The following CDC14B variants were observed in gnomAD, a reference collection of about 807,000 sequenced individuals.
The protein encoded by CDC14B is dual specificity protein phosphatase CDC14B.
A neutral mutation model predicts 64.2 loss-of-function variants in CDC14B; 22 were observed. The ratio of observed to expected loss-of-function variants is 0.34; its 90% CI spans 0.24 to 0.49. The LOEUF (loss-of-function observed/expected upper bound fraction) is 0.49, where lower values mean the gene tolerates loss of function less well. CDC14B is among the 20% of genes least tolerant of loss of function. CDC14B has a pLI of 0.99. For missense variants in CDC14B, 498 were observed against 629.9 expected, an observed-to-expected ratio of 0.79 and a Z score of 2.24; for synonymous variants, 191 against 215.8, an observed-to-expected ratio of 0.89 and a Z score of 1.01.
At chr9:96,553,414 A>G (rs1243486114) in intron 4 of CDC14B, among the ~76,000 whole-genome samples, 1 of 147,548 alleles carries the variant, frequency 6.8e-6, no homozygotes, top group African/African-American at 2.5e-5. Flanking sequence ...GCTGGAGTGC[A>G]ATGGTGTGAT....
At chr9:96,598,446 C>T (rs928082830) in intron 1 of CDC14B, among the ~76,000 whole-genome samples, 1 of 152,130 alleles carries the variant, frequency 6.6e-6, no homozygotes, top group Non-Finnish European at 1.5e-5. Flanking sequence ...ATGTCATTCG[C>T]CTGCCTCAGC....
At chr9:96,538,655 T>C (rs1014443421) in intron 7 of CDC14B, 5 of 154,022 alleles carry the variant, frequency 3.2e-5, no homozygotes, top group African/African-American at 1.2e-4. Flanking sequence ...ATCCCAGAAG[T>C]TCAAGGCTGC....
chr9:96,615,816 A>G (rs1847591014), intron 1 of CDC14B, among the ~76,000 whole-genome samples: 1 of 152,036 alleles, frequency 6.6e-6, no homozygotes, highest in Admixed American at 6.5e-5. Flanking sequence ...CTAATAGCCA[A>G]AAAGTCCACT....
chr9:96,570,038 T>A (rs1038958872), intron 1 of CDC14B, among the ~76,000 whole-genome samples: 4 of 152,252 alleles, frequency 2.6e-5, no homozygotes, highest in African/African-American at 9.6e-5. Context: ...TCGCACCACA[T>A]CATCACTACT....
At chr9:96,567,142 C>A in intron 1 of CDC14B, 1 of 471,156 alleles carries the variant, frequency 2.1e-6, no homozygotes, top group Non-Finnish European at 3.7e-6. Context: ...CCAACCAGGG[C>A]TCCTCCAGTG....
chr9:96,584,261 T>C (rs1352774581), intron 1 of CDC14B, among the ~76,000 whole-genome samples: 5 of 152,142 alleles, frequency 3.3e-5, no homozygotes, highest in African/African-American at 1.2e-4. Flanking sequence ...GTAGCAGTGT[T>C]GTGGGGAAGC....
At position 96,607,623 on chromosome 9, in the gene CDC14B, C is replaced by T. The variant is rs1352413771; in HGVS notation, c.160+11596G>A. 3.3e-5 allele frequency among the ~76,000 whole-genome samples: 5 copies of T among 151,954 alleles called. No homozygotes were observed. In the South Asian group the frequency reaches 6.2e-4, roughly 19 times the overall value. The stretch of plus-strand genomic sequence containing the variant: ...CATTTTTAGTAGAGACGGGGTTTCC[C>T]TGTGTTAGCCAGGATGGTCTCGATC... On this transcript the variant is annotated intron_variant, in intron 1 of 13. Coordinates refer to ENST00000375241, the MANE Select transcript of CDC14B (RefSeq NM_033331.4).
At chr9:96,568,800 C>G (rs556416783) in intron 1 of CDC14B, among the ~76,000 whole-genome samples, 18 of 152,080 alleles carry the variant, frequency 1.2e-4, no homozygotes, top group African/African-American at 4.3e-4. Flanking sequence ...GCCTGTAATC[C>G]CAGCTACTTG....
intron 12 of CDC14B, among the ~76,000 whole-genome samples, chr9:96,519,967 G>A: frequency 6.6e-6 from 1 of 152,214 alleles, no homozygotes; most frequent in Non-Finnish European, 1.5e-5. Flanking sequence ...CCAAGCAACT[G>A]TTGAGAACAG....
Position 96,501,707 on chromosome 9 carries a change from G to C in CDC14B, c.*2046C>G, listed in dbSNP as rs1177832763. On this transcript the variant is annotated 3_prime_UTR_variant, in exon 14 of 14. Transcript: ENST00000375241. ...TGATAGCAATTCTAGGTGGAAACTT[G>C]AGCAGGCAACATGAAGAGGCAGTTT... The C allele has an allele frequency of 6.6e-6, 1 of 152,442 alleles. No individual in the cohort carries two copies. Among genetic ancestry groups the C allele is most frequent in the Non-Finnish European group, 1.5e-5 (1 of 68,032 alleles). 9.4% of individuals were successfully genotyped at this position (152,442 alleles called of 1,614,324 possible).
chr9:96,495,400 C>T (rs556992993), downstream of CDC14B, among the ~76,000 whole-genome samples: 3 of 141,180 alleles, frequency 2.1e-5, no homozygotes, highest in African/African-American at 7.6e-5. Flanking sequence ...TGCCCCCCCC[C>T]GCCCCCCGCC....
At chr9:96,615,093 A>T (rs985534417) in intron 1 of CDC14B, among the ~76,000 whole-genome samples, 28 of 152,252 alleles carry the variant, frequency 1.8e-4, no homozygotes, top group African/African-American at 6.5e-4. Context: ...CACCCACCTC[A>T]GCCTCCCCAA....
At chr9:96,594,568 T>C (rs1015651618) in intron 1 of CDC14B, among the ~76,000 whole-genome samples, 1 of 151,516 alleles carries the variant, frequency 6.6e-6, no homozygotes, top group Non-Finnish European at 1.5e-5. Flanking sequence ...AACATAAAAA[T>C]TGGCAGGGTG....
chr9:96,510,750 C>T (rs539655565), intron 12 of CDC14B, among the ~76,000 whole-genome samples: 5 of 151,932 alleles, frequency 3.3e-5, no homozygotes, highest in South Asian at 2.1e-4. Flanking sequence ...GGACCGCAGG[C>T]GCCCACCACC....
At chr9:96,583,401 TTA>T (rs1845280032) in intron 1 of CDC14B, among the ~76,000 whole-genome samples, 1 of 145,504 alleles carries the variant, frequency 6.9e-6, no homozygotes. Context: ...ATTATTATTA[TTA>T]TTATTATTAT....
intron 7 of CDC14B, among the ~76,000 whole-genome samples, chr9:96,534,850 T>C (rs1006742116): frequency 6.6e-6 from 1 of 152,210 alleles, no homozygotes; most frequent in African/African-American, 2.4e-5. Context: ...CAATTCTCAT[T>C]ATAGTTGCTG....
intron 1 of CDC14B, among the ~76,000 whole-genome samples, chr9:96,601,527 G>A (rs1259714171): frequency 5.4e-5 from 8 of 149,512 alleles, no homozygotes. Flanking sequence ...GCCGGGCGTG[G>A]CACACCTGTA....
rs776270549 is a variant in CDC14B at position 96,514,573 on chromosome 9, G to A, written c.1344-4784C>T. ...TTTCTCAGCTATGTGAAAATACTCA[G>A]TGAAACCACAAAGTACCAGAGTTGG... On this transcript the variant is annotated intron_variant, in intron 12 of 13. Transcript: ENST00000375241. 1.3e-3 allele frequency: 1,252 copies of A among 985,318 alleles called. 3 individuals are homozygous for A. The highest frequency in any genetic ancestry group is 1.4e-3 in the Non-Finnish European group (1,195 of 829,936). The allele number at this position is 985,318 out of a possible 1,614,324, so 61.0% of individuals were successfully genotyped here.
At chr9:96,545,275 T>G (rs1840633533) in intron 5 of CDC14B, among the ~76,000 whole-genome samples, 1 of 151,998 alleles carries the variant, frequency 6.6e-6, no homozygotes, top group Non-Finnish European at 1.5e-5. Flanking sequence ...AACCCTCAAG[T>G]TGGATCCCAA....
Sources: allele counts gnomAD v4.1 joint callset (sites outside exome capture counted in the v4.1 genomes callset), GRCh38; gene constraint gnomAD v4.1.1; transcripts MANE v1.5; gene names NCBI Gene and HGNC (gene_info 2026-07-23, HGNC 2026-07-21).